Variants in ANGPT1 observed in about 807,000 individuals in gnomAD.
ANGPT1 encodes angiopoietin 1.
A neutral mutation model predicts 62.2 loss-of-function variants in ANGPT1; 17 were observed. That is an observed-to-expected ratio of 0.27 (90% CI 0.19 to 0.41). The LOEUF (loss-of-function observed/expected upper bound fraction) is 0.41. Ranked by LOEUF, ANGPT1 falls within the 10% of genes least tolerant of loss-of-function variation. The pLI, the probability that ANGPT1 is intolerant of heterozygous loss-of-function variation, is 1.00. For synonymous variants in ANGPT1, 199 were observed against 198.9 expected (o/e 1.00, Z 0.00); for missense variants, 478 against 594.9 (o/e 0.80, Z 2.04).
intron 3 of ANGPT1, among the ~76,000 whole-genome samples, chr8:107,323,790 A>G (rs886197113): frequency 6.6e-6 from 1 of 151,852 alleles, no homozygotes; most frequent in East Asian, 1.9e-4. Flanking sequence ...TTGTTTTAAG[A>G]CAGAGTCTTG....
intron 5 of ANGPT1, 68 bp downstream of exon 5, chr8:107,303,172 A>C (rs1288872992): frequency 1.9e-6 from 3 of 1,551,362 alleles, no homozygotes; most frequent in East Asian, 4.5e-5. Context: ...CTCACAAATC[A>C]ATCTGATTAT....
intron 1 of ANGPT1, among the ~76,000 whole-genome samples, chr8:107,354,451 G>GGC (rs1815998267): frequency 6.6e-6 from 1 of 151,896 alleles, no homozygotes; most frequent in Non-Finnish European, 1.5e-5. Flanking sequence ...TGAAATAAAG[G>GGC]GCTGGATTCG....
chr8:107,383,543 G>T (rs1452057136), intron 1 of ANGPT1, among the ~76,000 whole-genome samples: 1 of 152,108 alleles, frequency 6.6e-6, no homozygotes, highest in African/African-American at 2.4e-5. Flanking sequence ...GAGTGTGAAG[G>T]TGTTAATTAT....
At chr8:107,261,586 T>C (rs2130023118) in intron 8 of ANGPT1, among the ~76,000 whole-genome samples, 1 of 151,782 alleles carries the variant, frequency 6.6e-6, no homozygotes, top group South Asian at 2.1e-4. Flanking sequence ...GTGCCTGCAG[T>C]CCCAGCAACT....
chr8:107,356,205 A>G (rs1214193577), intron 1 of ANGPT1, among the ~76,000 whole-genome samples: 2 of 152,314 alleles, frequency 1.3e-5, no homozygotes, highest in East Asian at 3.9e-4. Context: ...TTGTCTTACT[A>G]TGTCTTTCTA....
chr8:107,492,078 G>A (rs1281802259), intron 1 of ANGPT1, among the ~76,000 whole-genome samples: 1 of 152,134 alleles, frequency 6.6e-6, no homozygotes, highest in Non-Finnish European at 1.5e-5. Context: ...ATTCTAAAAT[G>A]TAACAAGCAA....
chr8:107,262,940 G>C (rs994687320), intron 8 of ANGPT1, among the ~76,000 whole-genome samples: 9 of 152,140 alleles, frequency 5.9e-5, no homozygotes, highest in African/African-American at 2.2e-4. Context: ...TTATTAATAT[G>C]TAACAATTTT....
chr8:107,428,632 T>TTGTGTGTG (rs140085272), intron 1 of ANGPT1, among the ~76,000 whole-genome samples: 1 of 149,220 alleles, frequency 6.7e-6, no homozygotes, highest in Non-Finnish European at 1.5e-5. Flanking sequence ...TTTTTTCATT[T>TTGTGTGTG]TGTGTGTGTG....
intron 1 of ANGPT1, among the ~76,000 whole-genome samples, chr8:107,448,247 T>C (rs1169713543): frequency 2.6e-5 from 4 of 152,230 alleles, no homozygotes; most frequent in African/African-American, 9.6e-5. Flanking sequence ...TTGTTCAAAG[T>C]ATTTTGTAGG....
intron 7 of ANGPT1, among the ~76,000 whole-genome samples, chr8:107,269,721 A>G (rs558616189): frequency 1.6e-4 from 25 of 152,128 alleles, no homozygotes; most frequent in South Asian, 1.2e-3. Context: ...AAACAAAACA[A>G]AACAAAAAAC....
chr8:107,368,253 G>T (rs1007534902), intron 1 of ANGPT1, among the ~76,000 whole-genome samples: 1 of 152,142 alleles, frequency 6.6e-6, no homozygotes, highest in Non-Finnish European at 1.5e-5. Context: ...CAGGTGCATT[G>T]TCAATGAACA....
At chr8:107,370,341 A>AGAAAGAAAGAAAGAAAGAAAGAAAGAAAG (rs1220688876) in intron 1 of ANGPT1, among the ~76,000 whole-genome samples, 110 of 1,396 alleles carry the variant, frequency 0.079, 22 homozygotes, top group Non-Finnish European at 0.12. Flanking sequence ...AAAGAAAGAA[A>AGAAAGAAAGAAAGAAAGAAAGAAAGAAAG]AAGAAAGAAA....
intron 1 of ANGPT1, among the ~76,000 whole-genome samples, chr8:107,488,748 C>T (rs1586365209): frequency 6.6e-6 from 1 of 152,236 alleles, no homozygotes; most frequent in East Asian, 1.9e-4. Flanking sequence ...ATTCTCACCC[C>T]TTATATCTGT....
chr8:107,441,444 A>C (rs557977187), intron 1 of ANGPT1, among the ~76,000 whole-genome samples: 1 of 152,254 alleles, frequency 6.6e-6, no homozygotes, highest in East Asian at 1.9e-4. Flanking sequence ...TCTGAATTGC[A>C]CTAAGTCTCT....
At chr8:107,367,260 G>A (rs55736442) in intron 1 of ANGPT1, among the ~76,000 whole-genome samples, 11,897 of 152,176 alleles carry the variant, frequency 0.078, 525 homozygotes, top group South Asian at 0.11. Flanking sequence ...ACACTATACT[G>A]TGGTCTATTA....
At chr8:107,289,488 A>G (rs1016718009) in intron 6 of ANGPT1, among the ~76,000 whole-genome samples, 32 of 152,282 alleles carry the variant, frequency 2.1e-4, no homozygotes, top group African/African-American at 7.2e-4. Flanking sequence ...TTTAAAAAAT[A>G]AAAAACAGAT....
chr8:107,322,575 A>C (rs1815180301), intron 3 of ANGPT1: 1 of 187,586 alleles, frequency 5.3e-6, no homozygotes, highest in Admixed American at 5.9e-5. Flanking sequence ...TCAAAACGTT[A>C]ACATTGACTA....
In ANGPT1 at chr8:107,336,364, T is replaced by C. The variant is rs1167976252; in HGVS notation, c.454-93A>G. 2.7e-6 allele frequency: 4 copies of C among 1,475,442 alleles called. No homozygotes were observed. The Admixed American group carries it at 1.1e-4, about 40-fold the overall frequency. The allele number at this position is 1,475,442 out of a possible 1,614,324, so 91.4% of individuals were successfully genotyped here. ...TTGTCGTTAAATATTTTTTCAAGAA[T>C]AATTTAACAAATGGTTTACCGCCGG... is the stretch of plus-strand genomic sequence containing the variant. On this transcript the variant is annotated intron_variant, in intron 2 of 8. Coordinates refer to ENST00000517746, the MANE Select transcript of ANGPT1 (RefSeq NM_001146.5).
chr8:107,456,153 G>A, intron 1 of ANGPT1, among the ~76,000 whole-genome samples: 1 of 152,164 alleles, frequency 6.6e-6, no homozygotes, highest in East Asian at 1.9e-4. Context: ...AATGTCCTTT[G>A]TGTTGTTATG....
Sources: allele counts gnomAD v4.1 joint callset (sites outside exome capture counted in the v4.1 genomes callset), GRCh38; gene constraint gnomAD v4.1.1; transcripts MANE v1.5; gene names NCBI Gene and HGNC (gene_info 2026-07-23, HGNC 2026-07-21).